The following GCNT2 variants were observed in gnomAD, a reference collection of about 807,000 sequenced individuals.
The protein encoded by GCNT2 is glucosaminyl (N-acetyl) transferase 2 (I blood group).
Under a neutral mutation model 34.2 loss-of-function variants are expected in GCNT2, and 34 were observed. That is an observed-to-expected ratio of 1.00 (90% CI 0.76 to 1.32). The LOEUF is 1.32. Among genes scored for constraint, GCNT2 ranks in the 40% most tolerant of loss-of-function variants. The pLI, the probability that GCNT2 is intolerant of heterozygous loss-of-function variation, is 0.00. For missense variants in GCNT2, 584 were observed against 489.4 expected, an observed-to-expected ratio of 1.19 and a Z score of -1.82; for synonymous variants, 212 against 188.0, an observed-to-expected ratio of 1.13 and a Z score of -1.04.
At position 10,573,246 on chromosome 6, in the gene GCNT2, G is replaced by C. The variant is rs1581427570; in HGVS notation, c.925+43410G>C. ...TCTTTTTCCTCGGATGCGACATTCG[G>C]AATCAGAGAAAAGTTGTTGTGCAGA... On this transcript the variant is annotated intron_variant, in intron 3 of 4. Coordinates refer to ENST00000495262, the MANE Select transcript of GCNT2 (RefSeq NM_145649.5). 3.0e-6 allele frequency: 3 copies of C among 985,080 alleles called. No individual in the cohort carries two copies. The African/African-American group carries it at 5.2e-5, about 17-fold the overall frequency. The allele number at this position is 985,080 out of a possible 1,614,324, so 61.0% of individuals were successfully genotyped here.
intron 3 of GCNT2, among the ~76,000 whole-genome samples, chr6:10,576,022 T>A (rs1021373733): frequency 6.6e-6 from 1 of 152,168 alleles, no homozygotes. Flanking sequence ...ACACAAAGCC[T>A]GTTTGGTGGT....
chr6:10,557,380 T>C, intron 3 of GCNT2: 1 of 1,534,032 alleles, frequency 6.5e-7, no homozygotes. Context: ...AAGAAATGTG[T>C]CGTATTTGAA....
At chr6:10,549,270 A>G (rs534901585) in intron 3 of GCNT2, among the ~76,000 whole-genome samples, 1 of 152,308 alleles carries the variant, frequency 6.6e-6, no homozygotes, top group African/African-American at 2.4e-5. Context: ...GTTGGTGGGC[A>G]TTTGAGTAGT....
chr6:10,563,468 GT>G (rs1484997808), intron 3 of GCNT2, among the ~76,000 whole-genome samples: 1 of 152,108 alleles, frequency 6.6e-6, no homozygotes, highest in Non-Finnish European at 1.5e-5. Flanking sequence ...TTAGCTGGGC[GT>G]GGTGGCTCAC....
chr6:10,528,499 C>T, intron 2 of GCNT2, 132 bp from the exon 3 acceptor site: 1 of 260,422 alleles, frequency 3.8e-6, no homozygotes, highest in Non-Finnish European at 7.5e-6. Flanking sequence ...CTGGCCGGGA[C>T]AAGAGGCTGA....
intron 3 of GCNT2, chr6:10,556,349 C>CA: frequency 1.2e-6 from 2 of 1,604,630 alleles, no homozygotes; most frequent in Non-Finnish European, 1.7e-6. Flanking sequence ...AATAAGAACT[C>CA]AGAGAAACGA....
chr6:10,523,629 C>T (rs903075672), intron 1 of GCNT2, among the ~76,000 whole-genome samples: 1 of 151,992 alleles, frequency 6.6e-6, no homozygotes, highest in Non-Finnish European at 1.5e-5. Flanking sequence ...GCCCTACCTC[C>T]AGAATCCTCC....
chr6:10,564,858 T>C (rs1763206832), intron 3 of GCNT2, among the ~76,000 whole-genome samples: 1 of 152,174 alleles, frequency 6.6e-6, no homozygotes, highest in Non-Finnish European at 1.5e-5. Flanking sequence ...ATGAGACACA[T>C]AAGGCCCCTA....
intron 3 of GCNT2, among the ~76,000 whole-genome samples, chr6:10,552,885 C>T (rs1762542577): frequency 1.3e-5 from 2 of 152,162 alleles, no homozygotes; most frequent in Non-Finnish European, 1.5e-5. Context: ...CGTAAAAATA[C>T]CCTTCCAAGG....
At chr6:10,586,770 T>G (rs755213179) in intron 3 of GCNT2, 2 of 1,614,008 alleles carry the variant, frequency 1.2e-6, no homozygotes, top group East Asian at 2.2e-5. Context: ...GCTGACCATC[T>G]ACTTTGGCAC....
chr6:10,555,972 G>C, intron 3 of GCNT2: 1 of 1,032,720 alleles, frequency 9.7e-7, no homozygotes, highest in Non-Finnish European at 1.2e-6. Context: ...GAAGCGGCAC[G>C]CCTGCCAGAG....
At chr6:10,564,068 A>G (rs1407871668) in intron 3 of GCNT2, among the ~76,000 whole-genome samples, 1 of 152,022 alleles carries the variant, frequency 6.6e-6, no homozygotes, top group Admixed American at 6.6e-5. Context: ...TATTCAGCCC[A>G]TTTTCCTGGA....
chr6:10,553,527 C>T (rs1037302195), intron 3 of GCNT2, among the ~76,000 whole-genome samples: 1 of 151,992 alleles, frequency 6.6e-6, no homozygotes, highest in Non-Finnish European at 1.5e-5. Context: ...ATTCTAAGTC[C>T]TCTGTCATTT....
At position 10,626,668 on chromosome 6, in the gene GCNT2, T is replaced by G; in HGVS notation, c.*61T>G. The stretch of plus-strand genomic sequence containing the variant: ...GCAGCTGGGAAGAGGAGCCTGTTTT[T>G]GTGAGAGACTTTTGCCTTCGTAATG... On this transcript the variant is annotated 3_prime_UTR_variant, in exon 5 of 5. Coordinates refer to ENST00000495262, the MANE Select transcript of GCNT2 (RefSeq NM_145649.5). The G allele has an allele frequency of 1.6e-6, 2 of 1,274,662 alleles. No individual in the cohort carries two copies. The highest frequency in any genetic ancestry group is 2.3e-6 in the Non-Finnish European group (2 of 873,394). 79.0% of individuals were successfully genotyped at this position (1,274,662 alleles called of 1,614,324 possible).
At chr6:10,565,031 A>T (rs1012810602) in intron 3 of GCNT2, among the ~76,000 whole-genome samples, 2 of 152,250 alleles carry the variant, frequency 1.3e-5, no homozygotes, top group African/African-American at 4.8e-5. Context: ...ATGGTAGCAC[A>T]TGAACTGCCT....
At chr6:10,555,030 G>A (rs928785237) in intron 3 of GCNT2, among the ~76,000 whole-genome samples, 2 of 152,206 alleles carry the variant, frequency 1.3e-5, no homozygotes, top group Non-Finnish European at 2.9e-5. Flanking sequence ...CAAGGAATCC[G>A]CGTGTTGTCC....
Position 10,601,084 on chromosome 6 carries a change from T to A in GCNT2, c.926-20267T>A, listed in dbSNP as rs113443312. 1.5e-3 allele frequency among the ~76,000 whole-genome samples: 228 copies of A among 152,236 alleles called. 1 individual carries two copies. Among genetic ancestry groups the A allele is most frequent in the South Asian group, 0.013 (63 of 4,818 alleles). ...TGGGATTACAGGCATGAACCACCGC[T>A]CCCAGCCCTCTGGTAGTTTTAATAT... On this transcript the variant is annotated intron_variant, in intron 3 of 4. Transcript: ENST00000495262.
intron 3 of GCNT2, among the ~76,000 whole-genome samples, chr6:10,609,180 A>G (rs540892330): frequency 6.6e-6 from 1 of 152,274 alleles, no homozygotes; most frequent in East Asian, 1.9e-4. Flanking sequence ...AGAATCCCTG[A>G]GACTGGGTAA....
rs559159064 is a variant in GCNT2, at chr6:10,556,207, G to A, written c.925+26371G>A. The A allele has an allele frequency of 5.0e-5, 71 of 1,423,722 alleles. No individual in the cohort carries two copies. The South Asian group carries it at 1.0e-3, about 20-fold the overall frequency. 88.2% of individuals were successfully genotyped at this position (1,423,722 alleles called of 1,614,324 possible). Reference sequence around the variant, plus strand: ...AACCTGCCACGGGGATTTAAACAAAGGAGGTTTGAGAGAGGCGGGATCTGG... The same window carrying A: ...AACCTGCCACGGGGATTTAAACAAAAGAGGTTTGAGAGAGGCGGGATCTGG... On this transcript the variant is annotated intron_variant, in intron 3 of 4. Transcript: ENST00000495262.
Sources: gnomAD v4.1 joint callset for allele counts (sites outside exome capture counted in the v4.1 genomes callset) on GRCh38, gnomAD v4.1.1 for gene constraint, MANE v1.5 for transcripts, NCBI Gene and HGNC (gene_info 2026-07-23, HGNC 2026-07-21) for gene names.